PDE1C: variants seen among roughly 807,000 people sequenced by gnomAD.
PDE1C encodes dual specificity calcium/calmodulin-dependent 3',5'-cyclic nucleotide phosphodiesterase 1C.
PDE1C carries 62 observed loss-of-function variants against 93.1 expected under a neutral mutation model. The ratio of observed to expected loss-of-function variants is 0.67; its 90% CI spans 0.54 to 0.82. The LOEUF (loss-of-function observed/expected upper bound fraction) is 0.82. Ranked by LOEUF, PDE1C falls within the 40% of genes least tolerant of loss-of-function variation. PDE1C has a pLI of 0.00. For synonymous variants in PDE1C, 325 were observed against 310.1 expected (o/e 1.05, Z -0.50); for missense variants, 742 against 884.6 (o/e 0.84, Z 2.04).
intron 2 of PDE1C, among the ~76,000 whole-genome samples, chr7:31,975,413 A>G (rs1297069365): frequency 6.6e-6 from 1 of 152,146 alleles, no homozygotes; most frequent in Non-Finnish European, 1.5e-5. Context: ...CCTTCCTCTC[A>G]GACCTATAAA....
At chr7:32,089,135 T>C (rs1797306178) in intron 3 of PDE1C, among the ~76,000 whole-genome samples, 1 of 152,186 alleles carries the variant, frequency 6.6e-6, no homozygotes, top group South Asian at 2.1e-4. Context: ...TATCGCAAAG[T>C]CTCTTCTTTC....
At chr7:31,838,033 G>T (rs1262365440) in intron 9 of PDE1C, 62 bp from the exon 10 acceptor site, 10 of 954,742 alleles carry the variant, frequency 1.0e-5, no homozygotes, top group African/African-American at 3.4e-5. Context: ...AAAAATCAGT[G>T]TTTTTTTTTT....
chr7:32,165,958 G>A (rs1055747129), intron 3 of PDE1C, among the ~76,000 whole-genome samples: 11 of 151,742 alleles, frequency 7.2e-5, no homozygotes, highest in African/African-American at 1.5e-4. Context: ...CAATCCCCCC[G>A]GGTGATTGTG....
At chr7:31,989,314 G>A (rs1783865104) in intron 2 of PDE1C, among the ~76,000 whole-genome samples, 1 of 152,072 alleles carries the variant, frequency 6.6e-6, no homozygotes, top group South Asian at 2.1e-4. Context: ...TCCCAGCCCA[G>A]TAAGTAGTTC....
intron 2 of PDE1C, among the ~76,000 whole-genome samples, chr7:32,186,012 C>G (rs1327010249): frequency 6.7e-6 from 1 of 148,710 alleles, no homozygotes; most frequent in Non-Finnish European, 1.5e-5. Context: ...TTCGTCTTTG[C>G]TTTTAGATTT....
At chr7:31,622,024 G>C in the PDE1C span, among the ~76,000 whole-genome samples, 1 of 141,440 alleles carries the variant, frequency 7.1e-6, no homozygotes, top group Non-Finnish European at 1.5e-5. Context: ...TTACATAATG[G>C]TAAAGGGATC....
chr7:31,908,235 T>G (rs539822613), intron 2 of PDE1C, among the ~76,000 whole-genome samples: 78 of 152,352 alleles, frequency 5.1e-4, no homozygotes, highest in African/African-American at 1.9e-3. Context: ...ATTGTTCTTT[T>G]GAATCTTTAA....
intron 2 of PDE1C, among the ~76,000 whole-genome samples, chr7:32,028,902 G>A (rs565137642): frequency 4.6e-5 from 7 of 151,842 alleles, no homozygotes; most frequent in East Asian, 1.9e-4. Context: ...TATGAGCTTC[G>A]TTGTTTTAGA....
the PDE1C span, among the ~76,000 whole-genome samples, chr7:31,737,976 C>T: frequency 6.6e-6 from 1 of 151,974 alleles, no homozygotes; most frequent in Non-Finnish European, 1.5e-5. Context: ...TAGTAGATGC[C>T]CATAGGGATT....
chr7:32,295,709 C>G (rs215604), intron 1 of PDE1C, among the ~76,000 whole-genome samples: 150,027 of 152,104 alleles, frequency 0.99, 74,016 homozygotes, highest in Middle Eastern at 1. Flanking sequence ...GGCTAACACA[C>G]TGAAACCCCA....
intron 15 of PDE1C, among the ~76,000 whole-genome samples, chr7:31,814,818 T>C (rs184781133): frequency 6.4e-4 from 97 of 151,582 alleles, no homozygotes; most frequent in African/African-American, 2.1e-3. Context: ...ACTATATACA[T>C]TGTGTAGAAA....
chr7:32,038,856 G>T (rs1791456558), intron 2 of PDE1C, among the ~76,000 whole-genome samples: 1 of 152,158 alleles, frequency 6.6e-6, no homozygotes. Flanking sequence ...AAATAATGAT[G>T]CTAAATGGGA....
the PDE1C span, chr7:31,652,067 G>A: frequency 1.9e-6 from 3 of 1,544,332 alleles, no homozygotes; most frequent in South Asian, 3.5e-5. Context: ...GTGATGGGGT[G>A]TGGAGTTTGA....
chr7:32,328,506 A>G (rs923144319), intron 1 of PDE1C, among the ~76,000 whole-genome samples: 2 of 151,972 alleles, frequency 1.3e-5, no homozygotes, highest in Non-Finnish European at 2.9e-5. Flanking sequence ...CACCTTACCA[A>G]CCACGCTCCA....
chr7:31,846,759 T>A (rs536670023), intron 9 of PDE1C, among the ~76,000 whole-genome samples: 1 of 152,254 alleles, frequency 6.6e-6, no homozygotes, highest in African/African-American at 2.4e-5. Context: ...ATAGTAAAAT[T>A]GGATAGAGGG....
At chr7:32,390,906 G>T (rs143591188) in intron 1 of PDE1C, among the ~76,000 whole-genome samples, 2 of 151,666 alleles carry the variant, frequency 1.3e-5, no homozygotes, top group Non-Finnish European at 2.9e-5. Flanking sequence ...AAAATTAAAG[G>T]CATTAAAATA....
chr7:32,368,099 G>A (rs1172470295), intron 1 of PDE1C, among the ~76,000 whole-genome samples: 5 of 152,046 alleles, frequency 3.3e-5, no homozygotes, highest in Admixed American at 6.6e-5. Flanking sequence ...GCCCATGCTC[G>A]CCACTCTTAT....
At chr7:32,057,279 C>T (rs1049267503) in intron 1 of PDE1C, among the ~76,000 whole-genome samples, 3 of 152,150 alleles carry the variant, frequency 2.0e-5, no homozygotes, top group Non-Finnish European at 4.4e-5. Context: ...TTGATTAACC[C>T]ATACTCATTT....
intron 14 of PDE1C, among the ~76,000 whole-genome samples, chr7:31,822,783 T>C (rs1789139894): frequency 6.6e-6 from 1 of 152,174 alleles, no homozygotes; most frequent in South Asian, 2.1e-4. Flanking sequence ...ACAAGATGTT[T>C]AGCAGAAATC....
Sources: gnomAD v4.1 joint callset for allele counts (sites outside exome capture counted in the v4.1 genomes callset) on GRCh38, gnomAD v4.1.1 for gene constraint, MANE v1.5 for transcripts, NCBI Gene and HGNC (gene_info 2026-07-23, HGNC 2026-07-21) for gene names.